SV2C: variants seen among roughly 807,000 people sequenced by gnomAD.
The protein encoded by SV2C is synaptic vesicle glycoprotein 2C, also known as solute carrier family 22 member B3.
SV2C carries 49 observed loss-of-function variants against 79.7 expected under a neutral mutation model. The ratio of observed to expected loss-of-function variants is 0.61; its 90% CI spans 0.49 to 0.78. The LOEUF (loss-of-function observed/expected upper bound fraction) is 0.78, where lower values mean the gene tolerates loss of function less well. Ranked by LOEUF, SV2C falls within the 30% of genes least tolerant of loss-of-function variation. SV2C has a pLI of 0.00. For missense variants in SV2C, 833 were observed against 912.9 expected, an observed-to-expected ratio of 0.91 and a Z score of 1.13; for synonymous variants, 334 against 333.2, an observed-to-expected ratio of 1.00 and a Z score of -0.03.
chr5:76,212,775 C>T (rs1331691736), intron 4 of SV2C, among the ~76,000 whole-genome samples: 1 of 152,104 alleles, frequency 6.6e-6, no homozygotes, highest in Non-Finnish European at 1.5e-5. Flanking sequence ...GAATTCAGTT[C>T]CTCTGACTCT....
At chr5:76,021,793 GT>G in the SV2C span, among the ~76,000 whole-genome samples, 1 of 152,022 alleles carries the variant, frequency 6.6e-6, no homozygotes, top group African/African-American at 2.4e-5. Context: ...TTTTATGGAG[GT>G]TTTTTGTTTC....
chr5:76,175,593 C>T (rs895504016), intron 2 of SV2C, among the ~76,000 whole-genome samples: 1 of 152,106 alleles, frequency 6.6e-6, no homozygotes, highest in African/African-American at 2.4e-5. Context: ...GTTTGCAGCT[C>T]GATGTGCTGA....
intron 6 of SV2C, among the ~76,000 whole-genome samples, chr5:76,288,534 A>T (rs1347025655): frequency 6.6e-6 from 1 of 152,234 alleles, no homozygotes; most frequent in Non-Finnish European, 1.5e-5. Context: ...ATCTGGATAT[A>T]CAACATCACT....
chr5:76,089,566 A>G (rs949649222), intron 1 of SV2C, among the ~76,000 whole-genome samples: 9 of 152,208 alleles, frequency 5.9e-5, no homozygotes, highest in East Asian at 1.9e-4. Flanking sequence ...GCTAGGTCCA[A>G]TGGTATTTCT....
At chr5:76,160,191 A>G (rs1742858801) in intron 2 of SV2C, among the ~76,000 whole-genome samples, 1 of 152,122 alleles carries the variant, frequency 6.6e-6, no homozygotes, top group Admixed American at 6.6e-5. Flanking sequence ...CTTTAGAGAA[A>G]TTTATAGGTT....
the SV2C span, among the ~76,000 whole-genome samples, chr5:75,873,870 C>T: frequency 3.6e-4 from 55 of 152,226 alleles, no homozygotes; most frequent in Non-Finnish European, 6.9e-4. Flanking sequence ...AACTGATTCC[C>T]TGAAGAGACC....
At chr5:75,876,149 G>A in the SV2C span, among the ~76,000 whole-genome samples, 1 of 151,252 alleles carries the variant, frequency 6.6e-6, no homozygotes, top group African/African-American at 2.4e-5. Flanking sequence ...ACTCACAATA[G>A]CAAAGACATG....
Position 76,237,616 on chromosome 5 carries a change from G to A in SV2C, c.913+27729G>A, listed in dbSNP as rs373748132. On this transcript the variant is annotated intron_variant, in intron 4 of 12. Coordinates refer to ENST00000502798, the MANE Select transcript of SV2C (RefSeq NM_014979.4). ...CTATAGAAAAGTTAAACAGAAGTAG[G>A]TTGCTGTTGTTATTGTGTTTTGGTC... Among the ~76,000 whole-genome samples, 76 of 152,232 alleles carry A rather than the reference G, an allele frequency of 5.0e-4. 1 individual carries two copies. The South Asian group carries it at 0.015, about 30-fold the overall frequency.
chr5:75,991,588 C>CATATATATAT, the SV2C span, among the ~76,000 whole-genome samples: 6 of 137,802 alleles, frequency 4.4e-5, no homozygotes, highest in African/African-American at 1.7e-4. Context: ...TATATATACA[C>CATATATATAT]ACATATATAT....
the SV2C span, among the ~76,000 whole-genome samples, chr5:76,016,289 A>G: frequency 7.5e-6 from 1 of 133,420 alleles, no homozygotes; most frequent in Non-Finnish European, 1.6e-5. Context: ...AATTCTTTCT[A>G]TAGGCTGTGG....
intron 4 of SV2C, among the ~76,000 whole-genome samples, chr5:76,249,775 C>T (rs564865830): frequency 1.4e-4 from 21 of 152,240 alleles, no homozygotes; most frequent in Admixed American, 3.3e-4. Context: ...GTTGCTGATG[C>T]GCATGGCTGT....
In SV2C at chr5:76,164,732, G is replaced by GTGTGTGTGTGTGTGTGTGTGTT. The variant is rs1202748152; in HGVS notation, c.581-30168_581-30167insGTTTGTGTGTGTGTGTGTGTGT. Among the ~76,000 whole-genome samples the GTGTGTGTGTGTGTGTGTGTGTT allele has an allele frequency of 6.6e-5, 10 of 151,600 alleles. No individual in the cohort carries two copies. The South Asian group carries it at 1.7e-3, about 25-fold the overall frequency. On this transcript the variant is annotated intron_variant, in intron 2 of 12. Transcript: ENST00000502798. ...TGGGGATGGAACTCAGTGTGTGTGT[G>GTGTGTGTGTGTGTGTGTGTGTT]TGTGTGTGTGTGTGTGTGTAAACAT...
At chr5:75,942,980 A>G in the SV2C span, among the ~76,000 whole-genome samples, 8 of 152,304 alleles carry the variant, frequency 5.3e-5, no homozygotes, top group East Asian at 1.5e-3. Context: ...CCTGAGCAAC[A>G]TAGTCAGACC....
the SV2C span, among the ~76,000 whole-genome samples, chr5:75,903,436 T>G: frequency 6.6e-6 from 1 of 151,922 alleles, no homozygotes; most frequent in East Asian, 1.9e-4. Flanking sequence ...TCTTCACAGG[T>G]TTTTGTCTTT....
chr5:76,103,577 A>G (rs1365157692), intron 1 of SV2C, among the ~76,000 whole-genome samples: 1 of 152,216 alleles, frequency 6.6e-6, no homozygotes, highest in Non-Finnish European at 1.5e-5. Context: ...AGACAGCCAT[A>G]GCTTCACCAG....
At chr5:75,919,891 TC>T in the SV2C span, among the ~76,000 whole-genome samples, 1 of 152,162 alleles carries the variant, frequency 6.6e-6, no homozygotes, top group South Asian at 2.1e-4. Flanking sequence ...AACCCCCAAT[TC>T]CCAAAGTGTA....
chr5:76,284,778 G>C (rs535444002), intron 4 of SV2C, among the ~76,000 whole-genome samples: 1 of 152,368 alleles, frequency 6.6e-6, no homozygotes, highest in South Asian at 2.1e-4. Flanking sequence ...GGTTGATGCA[G>C]TCCACAGAGG....
chr5:75,950,710 A>T, the SV2C span, among the ~76,000 whole-genome samples: 3 of 152,044 alleles, frequency 2.0e-5, no homozygotes, highest in Non-Finnish European at 4.4e-5. Flanking sequence ...AAGTGGATGA[A>T]TAAATCGAGA....
chr5:75,974,569 T>C, the SV2C span, among the ~76,000 whole-genome samples: 7 of 151,984 alleles, frequency 4.6e-5, no homozygotes, highest in African/African-American at 1.7e-4. Flanking sequence ...TGGAATCCTT[T>C]TACCTGATTG....
Sources: allele counts gnomAD v4.1 joint callset (sites outside exome capture counted in the v4.1 genomes callset), GRCh38; gene constraint gnomAD v4.1.1; transcripts MANE v1.5; gene names NCBI Gene and HGNC (gene_info 2026-07-23, HGNC 2026-07-21).